Variants in KIAA0586 observed in about 807,000 individuals in gnomAD.
The protein encoded by KIAA0586 is protein TALPID3.
KIAA0586 carries 144 observed loss-of-function variants against 169.8 expected under a neutral mutation model. The ratio of observed to expected loss-of-function variants is 0.85; its 90% CI spans 0.74 to 0.97. The LOEUF (loss-of-function observed/expected upper bound fraction) is 0.97. KIAA0586 is among the 50% of genes least tolerant of loss of function. KIAA0586 has a pLI of 0.00. For missense variants in KIAA0586, 1,854 were observed against 1,823.0 expected (o/e 1.02, Z -0.31); for synonymous variants, 625 against 612.4 (o/e 1.02, Z -0.30).
chr14:58,508,270 G>A (rs558733123), intron 27 of KIAA0586, among the ~76,000 whole-genome samples: 15 of 152,312 alleles, frequency 9.8e-5, no homozygotes, highest in African/African-American at 3.1e-4. Flanking sequence ...TTAAGAGTTC[G>A]TATGTGGGAA....
At chr14:58,516,591 T>G (rs2044772673) in intron 29 of KIAA0586, among the ~76,000 whole-genome samples, 1 of 152,192 alleles carries the variant, frequency 6.6e-6, no homozygotes, top group Non-Finnish European at 1.5e-5. Context: ...ATCTATAGAT[T>G]CAGTGCAATC....
At chr14:58,529,701 A>G (rs934934313) in intron 29 of KIAA0586, among the ~76,000 whole-genome samples, 4 of 152,138 alleles carry the variant, frequency 2.6e-5, no homozygotes, top group Non-Finnish European at 5.9e-5. Context: ...TTGATGAAAC[A>G]TATCTCAAAA....
chr14:58,546,395 T>A (rs1401069424), intron 30 of KIAA0586, among the ~76,000 whole-genome samples: 1 of 152,216 alleles, frequency 6.6e-6, no homozygotes, highest in Non-Finnish European at 1.5e-5. Flanking sequence ...CAGAACTGTC[T>A]AATTATACTG....
chr14:58,558,855 GCAA>G, the KIAA0586 span, among the ~76,000 whole-genome samples: 1 of 152,190 alleles, frequency 6.6e-6, no homozygotes, highest in Non-Finnish European at 1.5e-5. Context: ...GTTCTTAACA[GCAA>G]CAACAACAAC....
At chr14:58,475,890 A>G (rs576130126) in intron 19 of KIAA0586, among the ~76,000 whole-genome samples, 2 of 152,288 alleles carry the variant, frequency 1.3e-5, no homozygotes, top group Non-Finnish European at 2.9e-5. Context: ...ACCTGAGGTC[A>G]GGAGTTCGAG....
downstream of KIAA0586, among the ~76,000 whole-genome samples, chr14:58,552,668 G>A (rs1418265608): frequency 6.6e-6 from 1 of 152,154 alleles, no homozygotes; most frequent in Non-Finnish European, 1.5e-5. Context: ...CGAGACTTCT[G>A]AAGAGACCCA....
intron 29 of KIAA0586, chr14:58,539,830 C>T (rs551569025): frequency 1.6e-5 from 5 of 310,986 alleles, no homozygotes; most frequent in South Asian, 1.2e-4. Context: ...GCTTCCCCCC[C>T]CCATCTGTGA....
chr14:58,500,435 A>C (rs1627243), intron 27 of KIAA0586, among the ~76,000 whole-genome samples: 2 of 152,216 alleles, frequency 1.3e-5, no homozygotes, highest in Non-Finnish European at 2.9e-5. Flanking sequence ...GGCCAGATGC[A>C]GTGGCTCACG....
chr14:58,433,913 C>T (rs2037589523), intron 4 of KIAA0586, among the ~76,000 whole-genome samples: 1 of 151,916 alleles, frequency 6.6e-6, no homozygotes, highest in South Asian at 2.1e-4. Context: ...GTGGAAGGAT[C>T]ACTTGGGCCT....
At position 58,456,800 on chromosome 14, in the gene KIAA0586, G is replaced by C. The variant is rs749216641; in HGVS notation, c.1352G>C (p.Ser451Thr). 6.4e-7 allele frequency: 1 copy of C among 1,569,430 alleles called. No homozygotes were observed. ...DLGQKEKETN[S>T]MVQPKESLSM... ...GGCCAAAAAGAGAAAGAAACAAATA[G>C]CATGGTCCAGGTAAAGTGGGAATGG... The change falls in exon 10 of 31, where the codon AGC (serine) becomes ACC (threonine). Residue 451 changes from serine (S) to threonine (T), a missense_variant. Transcript: ENST00000652326.
At position 58,488,170 on chromosome 14, in the gene KIAA0586, C is replaced by T; in HGVS notation, c.3527+61C>T. The T allele has an allele frequency of 6.5e-6, 8 of 1,233,512 alleles. 1 individual carries two copies. The South Asian group carries it at 1.1e-4, about 17-fold the overall frequency. The allele number at this position is 1,233,512 out of a possible 1,614,324, so 76.4% of individuals were successfully genotyped here. A position where few individuals can be genotyped will look rare whatever the true frequency, so the allele number is the denominator to read the frequency against. ...TCAACTTATGTTTGACTTATGTGATCCATTGAAAACATAGAAATATTATAC... is the reference window on the plus strand; with the variant it reads ...TCAACTTATGTTTGACTTATGTGATTCATTGAAAACATAGAAATATTATAC... On this transcript the variant is annotated intron_variant, in intron 23 of 30. Transcript: ENST00000652326.
At chr14:58,450,554 G>A (rs1431898096) in intron 7 of KIAA0586, 25 bp from the exon 8 acceptor site, 3 of 1,482,044 alleles carry the variant, frequency 2.0e-6, no homozygotes, top group East Asian at 2.3e-5. Context: ...AGCAAGTTAA[G>A]TTTTTAAAAA....
At chr14:58,555,258 G>A (rs78107632), downstream of KIAA0586, among the ~76,000 whole-genome samples, 1,793 of 151,666 alleles carry the variant, frequency 0.012, 37 homozygotes, top group African/African-American at 0.042. Context: ...CCACCACCAC[G>A]ACTGGCTAAT....
intron 8 of KIAA0586, among the ~76,000 whole-genome samples, chr14:58,450,962 T>G (rs1030845586): frequency 6.6e-6 from 1 of 151,484 alleles, no homozygotes; most frequent in Non-Finnish European, 1.5e-5. Context: ...ACTTAAACCT[T>G]TAATGAACAA....
At chr14:58,427,450 A>G (rs2036909805), upstream of KIAA0586, 1 of 735,744 alleles carries the variant, frequency 1.4e-6, no homozygotes, top group East Asian at 2.8e-5. Context: ...TCCCTGGTAA[A>G]CACAAGTAGT....
intron 4 of KIAA0586, among the ~76,000 whole-genome samples, chr14:58,439,567 A>C (rs1376633934): frequency 6.6e-6 from 1 of 152,164 alleles, no homozygotes; most frequent in African/African-American, 2.4e-5. Context: ...TTCATCTATA[A>C]AATTAGGAAA....
At position 58,465,865 on chromosome 14, in the gene KIAA0586, C is replaced by T; in HGVS notation, c.2090C>T (p.Thr697Ile). ...AAGGTAAAGTCAATAAGAACACAGACTGACTTCTATGCAACAAAACCTAAG... is the reference window on the plus strand; with the variant it reads ...AAGGTAAAGTCAATAAGAACACAGATTGACTTCTATGCAACAAAACCTAAG... ...GTKVKSIRTQ[T>I]DFYATKPKKM... Residue 697 changes from threonine to isoleucine, a missense_variant, in exon 15 of 31, where the codon ACT becomes ATT. Thr to Ile is a moderately conservative substitution (Grantham distance 89, BLOSUM62 -1). Transcript: ENST00000652326. 6.2e-7 allele frequency: 1 copy of T among 1,610,362 alleles called. No individual in the cohort carries two copies. Among genetic ancestry groups the T allele is most frequent in the Non-Finnish European group, 8.5e-7 (1 of 1,177,918 alleles).
chr14:58,518,408 A>T (rs1346838061), intron 29 of KIAA0586, among the ~76,000 whole-genome samples: 4 of 152,194 alleles, frequency 2.6e-5, no homozygotes, highest in Admixed American at 2.6e-4. Flanking sequence ...TGAAACATTT[A>T]TGTTTTATAA....
chr14:58,529,094 A>G (rs1171806437), intron 29 of KIAA0586, among the ~76,000 whole-genome samples: 2 of 152,336 alleles, frequency 1.3e-5, no homozygotes, highest in South Asian at 2.1e-4. Context: ...CAAATTAACT[A>G]CAAAATCTAG....
Sources: gnomAD v4.1 joint callset for allele counts (sites outside exome capture counted in the v4.1 genomes callset) on GRCh38, gnomAD v4.1.1 for gene constraint, MANE v1.5 for transcripts, NCBI Gene and HGNC (gene_info 2026-07-23, HGNC 2026-07-21) for gene names.